Variants in POU2F2 observed in about 807,000 individuals in gnomAD.
POU2F2 encodes POU domain, class 2, transcription factor 2.
POU2F2 carries 14 observed loss-of-function variants against 63.5 expected under a neutral mutation model. That is an observed-to-expected ratio of 0.22 (90% CI 0.15 to 0.34). The LOEUF is 0.34. Among genes scored for constraint, POU2F2 ranks in the 10% least tolerant of loss-of-function variants. POU2F2 has a pLI of 1.00. For missense variants in POU2F2, 607 were observed against 815.2 expected, an observed-to-expected ratio of 0.74 and a Z score of 3.11; for synonymous variants, 306 against 348.6, an observed-to-expected ratio of 0.88 and a Z score of 1.36.
At chr19:42,172,563 G>A (rs1011432000) in intron 1 of POU2F2, among the ~76,000 whole-genome samples, 1 of 152,188 alleles carries the variant, frequency 6.6e-6, no homozygotes, top group African/African-American at 2.4e-5. Flanking sequence ...TGGTGATCGA[G>A]TGAGGGAAAA....
intron 5 of POU2F2, among the ~76,000 whole-genome samples, chr19:42,112,527 G>A (rs907443803): frequency 2.6e-5 from 4 of 152,038 alleles, no homozygotes; most frequent in Admixed American, 1.3e-4. Context: ...ATGCCACCAC[G>A]GCCGGCTAAT....
At chr19:42,140,373 G>A (rs550631045) in intron 2 of POU2F2, among the ~76,000 whole-genome samples, 1 of 152,214 alleles carries the variant, frequency 6.6e-6, no homozygotes, top group Admixed American at 6.5e-5. Context: ...CATGGCCTTG[G>A]TCCAGAGCCC....
At chr19:42,166,591 G>A (rs1232199970) in intron 1 of POU2F2, among the ~76,000 whole-genome samples, 1 of 152,184 alleles carries the variant, frequency 6.6e-6, no homozygotes, top group Admixed American at 6.5e-5. Context: ...GGCCATCAGA[G>A]TGTATGCTGG....
chr19:42,113,027 G>A (rs1372674152), intron 5 of POU2F2, among the ~76,000 whole-genome samples: 1 of 152,096 alleles, frequency 6.6e-6, no homozygotes, highest in East Asian at 1.9e-4. Flanking sequence ...GACAGATGTG[G>A]GTCCTGATTC....
chr19:42,193,583 A>T (rs79956817), intron 1 of POU2F2, among the ~76,000 whole-genome samples: 1 of 152,124 alleles, frequency 6.6e-6, no homozygotes, highest in Non-Finnish European at 1.5e-5. Context: ...CTGGCACCTT[A>T]ATTTCAGTCT....
Position 42,109,469 on chromosome 19 carries a change from C to T in POU2F2, c.369+7781G>A, listed in dbSNP as rs2030713992. The stretch of plus-strand genomic sequence containing the variant: ...GGTCTGGGAACTATGTAAACTATAT[C>T]GTGATAGATTGTGTTCAAAATGAGG... On this transcript the variant is annotated intron_variant, in intron 5 of 14. Transcript: ENST00000692977. 3.3e-5 allele frequency among the ~76,000 whole-genome samples: 5 copies of T among 151,990 alleles called. No homozygotes were observed. In the South Asian group the frequency reaches 8.3e-4, roughly 25 times the overall value.
Position 42,092,964 on chromosome 19 carries a change from GCATATATATATTA to G in POU2F2, c.1265-707_1265-695del, listed in dbSNP as rs1044813558. On this transcript the variant is annotated intron_variant, in intron 12 of 14. Transcript: ENST00000692977. The surrounding 1 kb of genome is among the most constrained non-coding windows in gnomAD (Gnocchi z 5.0). ...TATATATTATGTGTATATATATTAT[GCATATATATATTA>G]TGTGTGTGTGTATATATATATATAT... 7.3e-6 allele frequency among the ~76,000 whole-genome samples: 1 copy of G among 137,402 alleles called. No homozygotes were observed. The highest frequency in any genetic ancestry group is 2.7e-5 in the African/African-American group (1 of 36,532). The allele number at this position is 137,402 out of a possible 152,430, so 90.1% of individuals were successfully genotyped here.
intron 5 of POU2F2, among the ~76,000 whole-genome samples, chr19:42,101,504 A>G (rs976377128): frequency 2.0e-5 from 3 of 152,170 alleles, no homozygotes; most frequent in African/African-American, 4.8e-5. Flanking sequence ...CCAAGGAGAG[A>G]GGCCTGGAAC....
chr19:42,149,875 G>A (rs1391975402), intron 2 of POU2F2, among the ~76,000 whole-genome samples: 1 of 152,186 alleles, frequency 6.6e-6, no homozygotes, highest in Non-Finnish European at 1.5e-5. Flanking sequence ...CTGACACATG[G>A]GAAGGTGTCC....
chr19:42,132,403 G>A lies in POU2F2; in HGVS notation c.9C>T (p.His3=), dbSNP rs910510154. ...CCTTACCTGGAGCCCCCATGCTGGA[G>A]TGAACCATGCTGCCCGCCCCGCCAG... MV[H]SSMGAPEIRM... The change falls in exon 1 of 15, where the codon CAC becomes CAT. Residue 3 remains histidine, a synonymous_variant. Coordinates refer to ENST00000692977, the MANE Select transcript of POU2F2 (RefSeq NM_001394376.1). 6 of 1,554,936 alleles carry A rather than the reference G, an allele frequency of 3.9e-6. No homozygotes were observed. The highest frequency in any genetic ancestry group is 1.7e-4 in the Middle Eastern group (1 of 5,874).
chr19:42,146,404 G>A (rs1259856243), intron 2 of POU2F2, among the ~76,000 whole-genome samples: 1 of 152,104 alleles, frequency 6.6e-6, no homozygotes, highest in Non-Finnish European at 1.5e-5. Flanking sequence ...TCCCATCCCC[G>A]TCCCCAGTTA....
intron 2 of POU2F2, among the ~76,000 whole-genome samples, chr19:42,151,447 T>G (rs1006830732): frequency 6.6e-6 from 1 of 150,708 alleles, no homozygotes; most frequent in Non-Finnish European, 1.5e-5. Flanking sequence ...CCCTGGGGAG[T>G]TGGGGGCTGG....
At chr19:42,194,423 G>A (rs1357991907) in intron 1 of POU2F2, among the ~76,000 whole-genome samples, 3 of 151,004 alleles carry the variant, frequency 2.0e-5, no homozygotes, top group Non-Finnish European at 4.4e-5. Flanking sequence ...AAGAAATGAA[G>A]GAAGAAAGTG....
intron 2 of POU2F2, among the ~76,000 whole-genome samples, chr19:42,149,824 C>T (rs879483011): frequency 6.6e-6 from 1 of 152,168 alleles, no homozygotes; most frequent in African/African-American, 2.4e-5. Context: ...TGTGTGGTGT[C>T]GTCCCCATCC....
At position 42,091,157 on chromosome 19, in the gene POU2F2, G is replaced by A; in HGVS notation, c.*100C>T. On this transcript the variant is annotated 3_prime_UTR_variant, in exon 15 of 15. Transcript: ENST00000692977. ...TTTCCTCCCTTGTCACTCCTGCTCT[G>A]AGGACCCTCTGCGTCCCCACCACTG... 3 of 1,101,438 alleles carry A rather than the reference G, an allele frequency of 2.7e-6. No homozygotes were observed. Among genetic ancestry groups the A allele is most frequent in the South Asian group, 3.5e-5 (2 of 57,962 alleles). 68.2% of individuals were successfully genotyped at this position (1,101,438 alleles called of 1,614,324 possible).
intron 1 of POU2F2, among the ~76,000 whole-genome samples, chr19:42,190,484 C>T (rs759272466): frequency 1.3e-5 from 2 of 151,946 alleles, no homozygotes; most frequent in Non-Finnish European, 2.9e-5. Flanking sequence ...TGCTACTCTG[C>T]CACCATTTTT....
In POU2F2 at chr19:42,152,751, T is replaced by C. The variant is rs1383384584; in HGVS notation, c.-9+7581A>G. On this transcript the variant is annotated intron_variant, in intron 2 of 6. Coordinates refer to the POU2F2 transcript ENST00000524801. The surrounding 1 kb of genome is among the most constrained non-coding windows in gnomAD (Gnocchi z 4.1). Reference sequence around the variant, plus strand: ...AGGAAGCAGATGGGGATGGGGGCCATAGTTTCAGGTAAGGGGGCTGGGAGA... The same window carrying C: ...AGGAAGCAGATGGGGATGGGGGCCACAGTTTCAGGTAAGGGGGCTGGGAGA... 1.3e-5 allele frequency: 2 copies of C among 151,890 alleles called. No individual in the cohort carries two copies. The highest frequency in any genetic ancestry group is 2.4e-5 in the African/African-American group (1 of 41,308). 9.4% of individuals were successfully genotyped at this position (151,890 alleles called of 1,614,324 possible).
Position 42,095,499 on chromosome 19 carries a change from C to G in POU2F2, c.1021-37G>C, listed in dbSNP as rs2076884108. 1.2e-6 allele frequency: 2 copies of G among 1,606,228 alleles called. No individual in the cohort carries two copies. Among genetic ancestry groups the G allele is most frequent in the African/African-American group, 1.3e-5 (1 of 74,878 alleles). ...GGGCTCGTTAGCCCGAGGCCCACCGCCCGCCACCCCTCAGGTGAGGGCCAC... is the reference window on the plus strand; with the variant it reads ...GGGCTCGTTAGCCCGAGGCCCACCGGCCGCCACCCCTCAGGTGAGGGCCAC... On this transcript the variant is annotated intron_variant, in intron 10 of 14. Transcript: ENST00000692977. The surrounding 1 kb of genome is among the most constrained non-coding windows in gnomAD (Gnocchi z 7.1).
intron 2 of POU2F2, among the ~76,000 whole-genome samples, chr19:42,142,712 G>A (rs1231531179): frequency 6.6e-6 from 1 of 152,026 alleles, no homozygotes; most frequent in Non-Finnish European, 1.5e-5. Flanking sequence ...AAAGGCACAT[G>A]CTACCACACC....
Sources: allele counts gnomAD v4.1 joint callset (sites outside exome capture counted in the v4.1 genomes callset), GRCh38; gene constraint gnomAD v4.1.1; non-coding constraint Gnocchi (gnomAD v3.1); transcripts MANE v1.5; gene names NCBI Gene and HGNC (gene_info 2026-07-23, HGNC 2026-07-21).